The following ATF7IP variants were observed in gnomAD, a reference collection of about 807,000 sequenced individuals.
The protein encoded by ATF7IP is activating transcription factor 7 interacting protein.
In ATF7IP, 23 loss-of-function variants were observed where a neutral mutation model predicts 106.4. The ratio of observed to expected loss-of-function variants is 0.22; its 90% confidence interval spans 0.16 to 0.31. ATF7IP has a LOEUF of 0.31. Among genes scored for constraint, ATF7IP ranks in the 10% least tolerant of loss-of-function variants. The pLI, the probability that ATF7IP is intolerant of heterozygous loss-of-function variation, is 1.00. For synonymous variants in ATF7IP, 542 were observed against 539.0 expected (o/e 1.01, Z -0.08); for missense variants, 1,334 against 1,524.3 (o/e 0.88, Z 2.08).
chr12:14,453,436 T>C (rs953120288), intron 6 of ATF7IP, among the ~76,000 whole-genome samples: 12 of 152,200 alleles, frequency 7.9e-5, no homozygotes, highest in South Asian at 2.1e-4. Context: ...TGTGGACTTA[T>C]TTTTCGGTTT....
At chr12:14,463,372 A>G (rs1943711910) in intron 9 of ATF7IP, among the ~76,000 whole-genome samples, 2 of 152,108 alleles carry the variant, frequency 1.3e-5, no homozygotes, top group Non-Finnish European at 2.9e-5. Flanking sequence ...TAAAGCTCAA[A>G]CTATAGCTAA....
chr12:14,495,180 T>C (rs551868390), intron 13 of ATF7IP, among the ~76,000 whole-genome samples: 1 of 152,274 alleles, frequency 6.6e-6, no homozygotes, highest in South Asian at 2.1e-4. Flanking sequence ...GAAGGGTGGA[T>C]CTGCCTTCCC....
intron 10 of ATF7IP, among the ~76,000 whole-genome samples, chr12:14,470,456 A>T (rs759846466): frequency 3.9e-5 from 6 of 152,224 alleles, no homozygotes; most frequent in Non-Finnish European, 5.9e-5. Flanking sequence ...TAGATTTCTC[A>T]GACAATGTTT....
chr12:14,438,285 AG>A lies in ATF7IP; in HGVS notation c.1929+19del. 2 of 1,602,346 alleles carry A rather than the reference AG, an allele frequency of 1.2e-6. No individual in the cohort carries two copies. Among genetic ancestry groups the A allele is most frequent in the South Asian group, 2.2e-5 (2 of 90,466 alleles). The stretch of plus-strand genomic sequence containing the variant: ...AACTACAGGTTTGTACATTGACTTG[AG>A]TTGTATACTCCATGTGTCATTGTTT... On this transcript the variant is annotated intron_variant, in intron 5 of 14. Transcript: ENST00000261168.
Position 14,478,440 on chromosome 12 carries a change from C to A in ATF7IP, c.3065C>A (p.Pro1022Gln), listed in dbSNP as rs770755772. 1.2e-6 allele frequency: 2 copies of A among 1,614,022 alleles called. No homozygotes were observed. The highest frequency in any genetic ancestry group is 2.2e-5 in the South Asian group (2 of 91,082). The change falls in exon 12 of 15, where the codon CCA becomes CAA. Residue 1022 changes from proline to glutamine, a missense_variant. By Grantham distance (76) the Pro-to-Gln change is moderately conservative. This residue lies in a region of ATF7IP where 370 missense variants were observed against 401.2 expected (regional missense o/e 0.92). Coordinates refer to ENST00000261168, the MANE Select transcript of ATF7IP (RefSeq NM_018179.5). ...CCATCTGGGGTGCCAACAAGTGGACCATCTCAGACCACCATACACTTACTA... is the reference window on the plus strand; with the variant it reads ...CCATCTGGGGTGCCAACAAGTGGACAATCTCAGACCACCATACACTTACTA... ...LQPSGVPTSG[P>Q]SQTTIHLLPT... is the part of the protein sequence containing the mutation.
intron 2 of ATF7IP, among the ~76,000 whole-genome samples, chr12:14,432,382 T>C (rs1942184159): frequency 6.6e-6 from 1 of 152,214 alleles, no homozygotes; most frequent in Admixed American, 6.5e-5. Flanking sequence ...GAAAAATGTA[T>C]TTTAATGAGT....
intron 1 of ATF7IP, among the ~76,000 whole-genome samples, chr12:14,421,626 C>A (rs1233632139): frequency 6.6e-6 from 1 of 152,086 alleles, no homozygotes; most frequent in Non-Finnish European, 1.5e-5. Flanking sequence ...CCTTATATTA[C>A]CTTGATTACC....
chr12:14,430,313 T>C (rs1036332588), intron 2 of ATF7IP, among the ~76,000 whole-genome samples: 1 of 152,170 alleles, frequency 6.6e-6, no homozygotes, highest in Non-Finnish European at 1.5e-5. Context: ...CTGGAGATCA[T>C]TGGTGACTTT....
At chr12:14,439,743 G>A (rs1942602917) in intron 5 of ATF7IP, among the ~76,000 whole-genome samples, 1 of 152,160 alleles carries the variant, frequency 6.6e-6, no homozygotes, top group Non-Finnish European at 1.5e-5. Flanking sequence ...TGAGGCATGA[G>A]AATTGCTTGA....
chr12:14,373,674 A>G (rs185186628), intron 1 of ATF7IP, among the ~76,000 whole-genome samples: 179 of 152,312 alleles, frequency 1.2e-3, no homozygotes, highest in African/African-American at 4.1e-3. Flanking sequence ...AGGAATTGGG[A>G]GAAGTGGTCT....
Position 14,498,234 on chromosome 12 carries a change from C to A in ATF7IP, c.*161C>A. The stretch of plus-strand genomic sequence containing the variant: ...TTTATAACCAGAAGCAAAATAAACT[C>A]AGCCCACAAAGCTAGAATCTTTTCC... On this transcript the variant is annotated 3_prime_UTR_variant, in exon 15 of 15. Transcript: ENST00000261168. 1.5e-6 allele frequency: 1 copy of A among 670,184 alleles called. No homozygotes were observed. Among genetic ancestry groups the A allele is most frequent in the Non-Finnish European group, 2.5e-6 (1 of 405,760 alleles). The allele number at this position is 670,184 out of a possible 1,614,324, so 41.5% of individuals were successfully genotyped here.
At chr12:14,435,432 G>C (rs189131151) in intron 3 of ATF7IP, among the ~76,000 whole-genome samples, 2 of 152,296 alleles carry the variant, frequency 1.3e-5, no homozygotes, top group Admixed American at 1.3e-4. Flanking sequence ...AAAGTGTGAA[G>C]ATATTAGTGT....
chr12:14,395,765 CT>C (rs1939802694), intron 1 of ATF7IP, among the ~76,000 whole-genome samples: 1 of 151,948 alleles, frequency 6.6e-6, no homozygotes, highest in Non-Finnish European at 1.5e-5. Context: ...ATACATATAA[CT>C]TGGTCAATTT....
chr12:14,384,262 A>G (rs545267597), intron 1 of ATF7IP, among the ~76,000 whole-genome samples: 1 of 152,284 alleles, frequency 6.6e-6, no homozygotes, highest in South Asian at 2.1e-4. Context: ...AGGAAGGTAG[A>G]CTGAGGAAGA....
chr12:14,483,366 A>G lies in ATF7IP; in HGVS notation c.3280+2181A>G, dbSNP rs946054299. 4.6e-5 allele frequency among the ~76,000 whole-genome samples: 7 copies of G among 152,262 alleles called. No homozygotes were observed. In the East Asian group the frequency reaches 5.8e-4, roughly 13 times the overall value. On this transcript the variant is annotated intron_variant, in intron 13 of 14. Coordinates refer to ENST00000261168, the MANE Select transcript of ATF7IP (RefSeq NM_018179.5). ...TACCTCCGTTGTGGAGCAGTAGACT[A>G]ACTTCTTCTTGGTAGTCCGGGACAG... is the stretch of plus-strand genomic sequence containing the variant.
chr12:14,429,404 T>G (rs1942017963), intron 2 of ATF7IP, among the ~76,000 whole-genome samples: 1 of 152,156 alleles, frequency 6.6e-6, no homozygotes, highest in African/African-American at 2.4e-5. Context: ...CTCCTCCACG[T>G]GCTTTTTTTT....
At chr12:14,441,122 A>G (rs1398873772) in intron 5 of ATF7IP, among the ~76,000 whole-genome samples, 1 of 152,112 alleles carries the variant, frequency 6.6e-6, no homozygotes, top group East Asian at 1.9e-4. Flanking sequence ...CCATATGGTA[A>G]TTCTTTGTTT....
At chr12:14,475,705 G>GT (rs1171427536) in intron 10 of ATF7IP, among the ~76,000 whole-genome samples, 185 bp from the exon 11 acceptor site, 3 of 152,238 alleles carry the variant, frequency 2.0e-5, no homozygotes, top group Admixed American at 2.0e-4. Flanking sequence ...TATAGTAGAT[G>GT]TTTAACACAT....
chr12:14,475,748 CTT>C (rs763734910), intron 10 of ATF7IP, 140 bp from the exon 11 acceptor site: 68 of 578,536 alleles, frequency 1.2e-4, no homozygotes, highest in Non-Finnish European at 1.7e-4. Context: ...GACAAACTCT[CTT>C]TATTCAGGTA....
Sources: allele counts gnomAD v4.1 joint callset (sites outside exome capture counted in the v4.1 genomes callset), GRCh38; gene constraint gnomAD v4.1.1; regional missense constraint gnomAD v4.1.1; transcripts MANE v1.5; gene names NCBI Gene and HGNC (gene_info 2026-07-23, HGNC 2026-07-21).